The following SLC14A2 variants were observed in gnomAD, a reference collection of about 807,000 sequenced individuals.
The protein encoded by SLC14A2 is urea transporter 2.
In SLC14A2, 91 loss-of-function variants were observed where a neutral mutation model predicts 104.6. The ratio of observed to expected loss-of-function variants is 0.87; its 90% CI spans 0.73 to 1.04. The LOEUF (loss-of-function observed/expected upper bound fraction) is 1.04. Ranked by LOEUF, SLC14A2 falls within the 50% of genes least tolerant of loss-of-function variation. The pLI is 0.00. For synonymous variants in SLC14A2, 476 were observed against 466.4 expected, an observed-to-expected ratio of 1.02 and a Z score of -0.27; for missense variants, 1,189 against 1,156.0, an observed-to-expected ratio of 1.03 and a Z score of -0.41.
intron 1 of SLC14A2, among the ~76,000 whole-genome samples, chr18:45,375,029 G>T (rs2085759496): frequency 6.6e-6 from 1 of 152,164 alleles, no homozygotes; most frequent in South Asian, 2.1e-4. Context: ...GCAAAATTAT[G>T]ACTGAGAGAC....
chr18:45,602,652 C>A (rs908630633), intron 2 of SLC14A2, among the ~76,000 whole-genome samples: 3 of 152,206 alleles, frequency 2.0e-5, no homozygotes, highest in Admixed American at 1.3e-4. Flanking sequence ...AAAACTCAGA[C>A]CCTTGCAAGA....
chr18:45,368,322 G>A (rs1269495579), intron 1 of SLC14A2, among the ~76,000 whole-genome samples: 2 of 152,180 alleles, frequency 1.3e-5, no homozygotes, highest in African/African-American at 4.8e-5. Context: ...CATGAGTTGA[G>A]GGTGAGAGTG....
chr18:45,192,454 A>G, the SLC14A2 span, among the ~76,000 whole-genome samples: 1 of 152,218 alleles, frequency 6.6e-6, no homozygotes, highest in Non-Finnish European at 1.5e-5. Flanking sequence ...ACCTAGGATT[A>G]GAATGGTAGG....
intron 2 of SLC14A2, among the ~76,000 whole-genome samples, chr18:45,494,544 C>T (rs1327605179): frequency 6.6e-6 from 1 of 152,104 alleles, no homozygotes; most frequent in Admixed American, 6.5e-5. Context: ...ATCACAGGCA[C>T]ATGCCACCAT....
chr18:45,273,412 T>C (rs1419141712), intron 1 of SLC14A2, among the ~76,000 whole-genome samples: 3 of 152,116 alleles, frequency 2.0e-5, no homozygotes, highest in African/African-American at 4.8e-5. Context: ...AGTTATCTTC[T>C]CTGGAGGTAA....
chr18:45,627,263 C>T (rs2045274665), intron 4 of SLC14A2, 116 bp downstream of exon 4: 1 of 828,802 alleles, frequency 1.2e-6, no homozygotes, highest in African/African-American at 1.7e-5. Flanking sequence ...TCCTGAGTAT[C>T]AACTTTAAGC....
intron 1 of SLC14A2, among the ~76,000 whole-genome samples, chr18:45,294,175 C>G (rs1454795704): frequency 6.6e-6 from 1 of 152,018 alleles, no homozygotes; most frequent in Non-Finnish European, 1.5e-5. Flanking sequence ...ATTAAAATAT[C>G]AAATAGGCAG....
chr18:45,483,090 CCT>C (rs1225701188), intron 1 of SLC14A2: 1 of 151,982 alleles, frequency 6.6e-6, no homozygotes, highest in African/African-American at 2.4e-5. Flanking sequence ...AGTTTTATGT[CCT>C]GTTTCCTTAT....
At chr18:45,228,645 C>G (rs2084143570) in intron 1 of SLC14A2, among the ~76,000 whole-genome samples, 1 of 152,172 alleles carries the variant, frequency 6.6e-6, no homozygotes, top group African/African-American at 2.4e-5. Flanking sequence ...ACATCCTTCA[C>G]TAACCTGCAG....
At chr18:45,529,017 G>T (rs2043640530) in intron 2 of SLC14A2, 1 of 152,252 alleles carries the variant, frequency 6.6e-6, no homozygotes, top group African/African-American at 2.4e-5. Flanking sequence ...CATGGAGAAA[G>T]AGAGGCCACA....
At chr18:45,402,627 T>C (rs897849633) in intron 1 of SLC14A2, among the ~76,000 whole-genome samples, 3 of 152,190 alleles carry the variant, frequency 2.0e-5, no homozygotes, top group African/African-American at 7.2e-5. Context: ...CATAAAATCA[T>C]TGTGCCTTGG....
chr18:45,486,181 A>T (rs1167068499), intron 2 of SLC14A2, among the ~76,000 whole-genome samples: 1 of 152,168 alleles, frequency 6.6e-6, no homozygotes, highest in African/African-American at 2.4e-5. Flanking sequence ...AACACAGAGC[A>T]GTTAATGGCA....
At chr18:45,406,021 C>T (rs961436458) in intron 1 of SLC14A2, among the ~76,000 whole-genome samples, 1 of 151,850 alleles carries the variant, frequency 6.6e-6, no homozygotes, top group Non-Finnish European at 1.5e-5. Flanking sequence ...ATGTAAGTTT[C>T]TTAAAATAAG....
intron 1 of SLC14A2, among the ~76,000 whole-genome samples, chr18:45,391,645 G>A (rs1465291126): frequency 6.6e-6 from 1 of 152,138 alleles, no homozygotes; most frequent in Admixed American, 6.5e-5. Context: ...GTATCTCATT[G>A]TGGTTTTGAT....
At chr18:45,585,919 G>C (rs1012211944) in intron 2 of SLC14A2, among the ~76,000 whole-genome samples, 2 of 152,214 alleles carry the variant, frequency 1.3e-5, no homozygotes, top group Non-Finnish European at 2.9e-5. Context: ...GAGGGTTCCT[G>C]TGATGCCACC....
intron 1 of SLC14A2, among the ~76,000 whole-genome samples, chr18:45,223,800 C>G (rs756858411): frequency 6.6e-6 from 1 of 152,180 alleles, no homozygotes; most frequent in African/African-American, 2.4e-5. Context: ...CTTTGGAAAC[C>G]CAGAGACCTT....
intron 1 of SLC14A2, among the ~76,000 whole-genome samples, chr18:45,235,030 G>A (rs1009572730): frequency 1.3e-5 from 2 of 152,038 alleles, no homozygotes; most frequent in African/African-American, 4.8e-5. Flanking sequence ...CTATTTCATT[G>A]TGTAGACGGG....
chr18:45,358,690 G>A (rs570839903), intron 1 of SLC14A2, among the ~76,000 whole-genome samples: 19 of 152,094 alleles, frequency 1.2e-4, no homozygotes, highest in South Asian at 1.0e-3. Context: ...CAATCCTGCC[G>A]CCTCAGCCTC....
the SLC14A2 span, among the ~76,000 whole-genome samples, chr18:45,197,245 C>A: frequency 6.6e-6 from 1 of 152,152 alleles, no homozygotes; most frequent in Admixed American, 6.5e-5. Context: ...TTTTAGATTA[C>A]TGGTTACCTT....
Sources: gnomAD v4.1 joint callset for allele counts (sites outside exome capture counted in the v4.1 genomes callset) on GRCh38, gnomAD v4.1.1 for gene constraint, MANE v1.5 for transcripts, NCBI Gene and HGNC (gene_info 2026-07-23, HGNC 2026-07-21) for gene names.